KIF26B: variants seen among roughly 807,000 people sequenced by gnomAD.
KIF26B encodes the protein kinesin-like protein KIF26B.
A neutral mutation model predicts 151.2 loss-of-function variants in KIF26B; 63 were observed. The observed-to-expected ratio is 0.42, with a 90% CI of 0.34 to 0.51. The LOEUF is 0.51. KIF26B is among the 20% of genes least tolerant of loss of function. KIF26B has a pLI of 0.07. For missense variants in KIF26B, 2,813 were observed against 2,913.6 expected (o/e 0.97, Z 0.79); for synonymous variants, 1,357 against 1,262.1 (o/e 1.08, Z -1.59).
At position 245,369,190 on chromosome 1, in the gene KIF26B, AG is replaced by A. The variant is rs1375801021; in HGVS notation, c.999+1824del. Among the ~76,000 whole-genome samples, 5 of 146,488 alleles carry A rather than the reference AG, an allele frequency of 3.4e-5. No individual in the cohort carries two copies. In the South Asian group the frequency reaches 1.1e-3, roughly 31 times the overall value. On this transcript the variant is annotated intron_variant, in intron 3 of 14. Transcript: ENST00000407071. ...GAGTGAGAGAGAGAGAGAGAGAGAG[AG>A]AGAGAGACAGACAGACAGACAGACA... is the stretch of plus-strand genomic sequence containing the variant.
In KIF26B at chr1:245,687,210, C is replaced by T. The variant is rs370477204; in HGVS notation, c.4227C>T (p.Ala1409=). The stretch of plus-strand genomic sequence containing the variant: ...CCCGGAACATCCAAGAGCCGGAGGC[C>T]CCCACCGCCACCCCCAAAGCAGGCC... ...MSPRNIQEPE[A]PTATPKAGPT... The change falls in exon 12 of 15, where the codon GCC becomes GCT. Residue 1409 remains alanine, a synonymous_variant. Transcript: ENST00000407071. The surrounding 1 kb of genome is among the most constrained non-coding windows in gnomAD (Gnocchi z 4.9). 1.1e-5 allele frequency: 18 copies of T among 1,612,782 alleles called. No individual in the cohort carries two copies. In the South Asian group the frequency reaches 1.8e-4, roughly 16 times the overall value.
intron 2 of KIF26B, among the ~76,000 whole-genome samples, chr1:245,262,027 A>AT (rs1670654043): frequency 1.3e-5 from 2 of 152,076 alleles, no homozygotes; most frequent in African/African-American, 4.8e-5. Context: ...TGTTGTTAAC[A>AT]TTTTTCAAAT....
chr1:245,532,308 C>T lies in KIF26B; in HGVS notation c.1167-8459C>T, dbSNP rs368531568. Among the ~76,000 whole-genome samples, 77 of 144,242 alleles carry T rather than the reference C, an allele frequency of 5.3e-4. No homozygotes were observed. In the East Asian group the frequency reaches 9.4e-3, roughly 18 times the overall value. The allele number at this position is 144,242 out of a possible 152,430, so 94.6% of individuals were successfully genotyped here. A position where few individuals can be genotyped will look rare whatever the true frequency, so the allele number is the denominator to read the frequency against. On this transcript the variant is annotated intron_variant, in intron 4 of 14. Coordinates refer to ENST00000407071, the MANE Select transcript of KIF26B (RefSeq NM_018012.4). ...TCGCCCAGGCTGGAGTGCAGTGGCGCGATCTCGGCTCACTGCAAGCTCTGC... is the reference window on the plus strand; with the variant it reads ...TCGCCCAGGCTGGAGTGCAGTGGCGTGATCTCGGCTCACTGCAAGCTCTGC...
chr1:245,497,122 C>T (rs1660528673), intron 4 of KIF26B, among the ~76,000 whole-genome samples: 2 of 146,920 alleles, frequency 1.4e-5, no homozygotes. Context: ...CATTGCACTC[C>T]AGCCTGGGCA....
intron 2 of KIF26B, among the ~76,000 whole-genome samples, chr1:245,221,383 A>AC (rs1669764805): frequency 6.6e-6 from 1 of 150,380 alleles, no homozygotes; most frequent in Non-Finnish European, 1.5e-5. Context: ...GAAGTAAAAA[A>AC]AAAAAAAAAA....
At chr1:245,511,569 C>T (rs1180172589) in intron 4 of KIF26B, among the ~76,000 whole-genome samples, 6 of 152,100 alleles carry the variant, frequency 3.9e-5, no homozygotes, top group South Asian at 4.1e-4. Context: ...TTTCTGGCTG[C>T]GTAAATGTGA....
chr1:245,250,000 A>T (rs1314683255), intron 2 of KIF26B, among the ~76,000 whole-genome samples: 6 of 152,248 alleles, frequency 3.9e-5, no homozygotes, highest in Non-Finnish European at 8.8e-5. Flanking sequence ...ATCAAATTTT[A>T]AAAATTATGA....
At chr1:245,177,567 C>G (rs1426233017) in intron 2 of KIF26B, among the ~76,000 whole-genome samples, 1 of 152,030 alleles carries the variant, frequency 6.6e-6, no homozygotes, top group Admixed American at 6.6e-5. Context: ...TGGATCTCTG[C>G]AAATGAAGTT....
At chr1:245,680,240 A>T (rs2044415564) in intron 10 of KIF26B, among the ~76,000 whole-genome samples, 1 of 151,996 alleles carries the variant, frequency 6.6e-6, no homozygotes, top group Admixed American at 6.5e-5. Context: ...GATCATCATG[A>T]GGTTGGGAAA....
chr1:245,483,742 G>T (rs1433415461), intron 4 of KIF26B, among the ~76,000 whole-genome samples: 1 of 151,706 alleles, frequency 6.6e-6, no homozygotes, highest in African/African-American at 2.4e-5. Context: ...CTCAGTGCTG[G>T]AACGTTCATT....
At chr1:245,465,366 G>A (rs1659762363) in intron 4 of KIF26B, among the ~76,000 whole-genome samples, 1 of 150,802 alleles carries the variant, frequency 6.6e-6, no homozygotes, top group Non-Finnish European at 1.5e-5. Flanking sequence ...AGCTGCTGGT[G>A]AGAGGCGGTT....
chr1:245,493,177 C>T (rs1380726302), intron 4 of KIF26B, among the ~76,000 whole-genome samples: 9 of 152,120 alleles, frequency 5.9e-5, no homozygotes, highest in Admixed American at 5.9e-4. Context: ...GATGAAAAGC[C>T]ACGCCCCTAT....
intron 2 of KIF26B, among the ~76,000 whole-genome samples, chr1:245,168,308 C>G (rs530235667): frequency 3.2e-4 from 49 of 152,312 alleles, no homozygotes; most frequent in African/African-American, 1.2e-3. Flanking sequence ...GGGGAGGGAC[C>G]GGAAGCCAAG....
intron 2 of KIF26B, among the ~76,000 whole-genome samples, chr1:245,338,729 C>T (rs1672281786): frequency 6.6e-6 from 1 of 152,096 alleles, no homozygotes; most frequent in African/African-American, 2.4e-5. Context: ...ACCTCTGACC[C>T]GAAGGGCAAA....
At chr1:245,377,055 C>T (rs753619274) in intron 3 of KIF26B, among the ~76,000 whole-genome samples, 9 of 151,928 alleles carry the variant, frequency 5.9e-5, no homozygotes, top group Non-Finnish European at 1.0e-4. Context: ...GCTGAGATTA[C>T]AGGCACGCAT....
Position 245,498,454 on chromosome 1 carries a change from G to C in KIF26B, c.1167-42313G>C, listed in dbSNP as rs560684148. On this transcript the variant is annotated intron_variant, in intron 4 of 14. Coordinates refer to ENST00000407071, the MANE Select transcript of KIF26B (RefSeq NM_018012.4). ...GCTGAAAATAGAGCTTATGAACATA[G>C]CTGAAAACTGTTTATCCACAGCAAC... Among the ~76,000 whole-genome samples, 4 of 152,272 alleles carry C rather than the reference G, an allele frequency of 2.6e-5. No individual in the cohort carries two copies. The East Asian group carries it at 5.8e-4, about 22-fold the overall frequency.
chr1:245,471,959 T>G (rs1659925129), intron 4 of KIF26B, among the ~76,000 whole-genome samples: 1 of 152,008 alleles, frequency 6.6e-6, no homozygotes, highest in South Asian at 2.1e-4. Flanking sequence ...ACCCAGCTAG[T>G]TTTTGTATTT....
rs548453302 is a variant in KIF26B at position 245,655,091 on chromosome 1, T to C, written c.2258+8811T>C. ...TCGCTGTGCTTTCTAAAGAGATGGATTGCAACCTGCGCCGTTGAGCTAGTG... is the reference window on the plus strand; with the variant it reads ...TCGCTGTGCTTTCTAAAGAGATGGACTGCAACCTGCGCCGTTGAGCTAGTG... On this transcript the variant is annotated intron_variant, in intron 10 of 14. Transcript: ENST00000407071. Among the ~76,000 whole-genome samples the C allele has an allele frequency of 1.3e-4, 20 of 152,276 alleles. No homozygotes were observed. In the South Asian group the frequency reaches 3.7e-3, roughly 28 times the overall value.
chr1:245,592,248 C>T (rs1467203544), intron 5 of KIF26B, among the ~76,000 whole-genome samples: 2 of 152,324 alleles, frequency 1.3e-5, no homozygotes, highest in Admixed American at 6.5e-5. Flanking sequence ...AGCGGCACCT[C>T]GGAGAAGCCA....
Sources: allele counts gnomAD v4.1 joint callset (sites outside exome capture counted in the v4.1 genomes callset), GRCh38; gene constraint gnomAD v4.1.1; non-coding constraint Gnocchi (gnomAD v3.1); transcripts MANE v1.5; gene names NCBI Gene and HGNC (gene_info 2026-07-23, HGNC 2026-07-21).